MCU: variants seen among roughly 807,000 people sequenced by gnomAD.
MCU encodes calcium uniporter protein, mitochondrial.
In MCU, 12 loss-of-function variants were observed where a neutral mutation model predicts 45.2. The ratio of observed to expected loss-of-function variants is 0.27; its 90% CI spans 0.17 to 0.43. MCU has a LOEUF of 0.43. Ranked by LOEUF, MCU falls within the 20% of genes least tolerant of loss-of-function variation. The pLI, the probability that MCU is intolerant of heterozygous loss-of-function variation, is 1.00. For synonymous variants in MCU, 160 were observed against 165.1 expected (o/e 0.97, Z 0.24); for missense variants, 324 against 436.7 (o/e 0.74, Z 2.30).
Position 72,820,477 on chromosome 10 carries a change from G to T in MCU, c.151-13882G>T, listed in dbSNP as rs113736510. Among the ~76,000 whole-genome samples, 110 of 151,258 alleles carry T rather than the reference G, an allele frequency of 7.3e-4. 1 individual carries two copies. The Middle Eastern group carries it at 0.014, about 19-fold the overall frequency. ...ACTTTGCTTTGAAAGAGAAACACAG[G>T]TGCCCTTCTGGACTTCTTCATCAGT... is the stretch of plus-strand genomic sequence containing the variant. On this transcript the variant is annotated intron_variant, in intron 1 of 7. Transcript: ENST00000373053.
At chr10:72,708,696 A>G (rs1842853476) in intron 1 of MCU, among the ~76,000 whole-genome samples, 2 of 152,304 alleles carry the variant, frequency 1.3e-5, no homozygotes, top group African/African-American at 4.8e-5. Context: ...CCCAGATACT[A>G]CAGTGATGGG....
At chr10:72,746,450 C>T (rs1364775862) in intron 1 of MCU, among the ~76,000 whole-genome samples, 1 of 152,194 alleles carries the variant, frequency 6.6e-6, no homozygotes, top group Non-Finnish European at 1.5e-5. Context: ...AATACTACCT[C>T]ACTTTTCAGT....
chr10:72,757,135 T>G (rs1354659515), intron 1 of MCU: 2 of 152,100 alleles, frequency 1.3e-5, no homozygotes, highest in Non-Finnish European at 2.9e-5. Flanking sequence ...AGTCAGGGTC[T>G]CACAAGGAAA....
chr10:72,764,715 T>A (rs1208470930), intron 1 of MCU, among the ~76,000 whole-genome samples: 1 of 152,140 alleles, frequency 6.6e-6, no homozygotes, highest in African/African-American at 2.4e-5. Flanking sequence ...AATTGAGATA[T>A]GGGCTGCAGT....
intron 1 of MCU, chr10:72,692,808 G>T (rs1842640252): frequency 7.1e-7 from 1 of 1,411,448 alleles, no homozygotes. Context: ...CGGCGGGGCC[G>T]CCCCTCGTCC....
intron 1 of MCU, among the ~76,000 whole-genome samples, chr10:72,826,644 A>G (rs1459962103): frequency 6.6e-6 from 1 of 152,210 alleles, no homozygotes; most frequent in East Asian, 1.9e-4. Flanking sequence ...TTTTACTCTC[A>G]ATAAAATTCT....
chr10:72,780,580 A>G (rs1843977182), intron 1 of MCU, among the ~76,000 whole-genome samples: 1 of 128,696 alleles, frequency 7.8e-6, no homozygotes, highest in Non-Finnish European at 1.7e-5. Flanking sequence ...AGGAAGAGAG[A>G]TAACTGTTGT....
intron 1 of MCU, among the ~76,000 whole-genome samples, chr10:72,711,579 T>A (rs1327631480): frequency 6.6e-6 from 1 of 150,406 alleles, no homozygotes; most frequent in Non-Finnish European, 1.5e-5. Flanking sequence ...GCACAGTGGC[T>A]CATACTTATA....
At chr10:72,738,259 A>T (rs1196592699) in intron 1 of MCU, among the ~76,000 whole-genome samples, 1 of 152,098 alleles carries the variant, frequency 6.6e-6, no homozygotes, top group Non-Finnish European at 1.5e-5. Context: ...AATTGCTCCC[A>T]CTCTTTCTTC....
intron 4 of MCU, among the ~76,000 whole-genome samples, chr10:72,866,065 C>T (rs1845451276): frequency 6.6e-6 from 1 of 152,076 alleles, no homozygotes; most frequent in South Asian, 2.1e-4. Flanking sequence ...GTGTGAGCCA[C>T]CACGCCCGGC....
intron 1 of MCU, among the ~76,000 whole-genome samples, chr10:72,725,909 G>A (rs755397084): frequency 1.4e-4 from 21 of 151,974 alleles, no homozygotes; most frequent in Non-Finnish European, 1.9e-4. Context: ...ATTAATCTAT[G>A]TGTTTATACA....
intron 1 of MCU, among the ~76,000 whole-genome samples, chr10:72,759,687 G>C (rs1435102892): frequency 6.6e-6 from 1 of 152,058 alleles, no homozygotes; most frequent in Non-Finnish European, 1.5e-5. Flanking sequence ...CATATTATAG[G>C]GTTGAAGCCT....
At chr10:72,715,149 C>T (rs537958885) in intron 1 of MCU, 12 of 984,886 alleles carry the variant, frequency 1.2e-5, no homozygotes, top group East Asian at 1.1e-4. Context: ...GGCAAGATAC[C>T]GTTTCTACCT....
chr10:72,734,706 C>T (rs1052434640), intron 1 of MCU, among the ~76,000 whole-genome samples: 2 of 152,008 alleles, frequency 1.3e-5, no homozygotes, highest in African/African-American at 4.8e-5. Context: ...CTTGACCTCC[C>T]AGGCTCAAGC....
At chr10:72,753,367 G>A (rs767101809) in intron 1 of MCU, among the ~76,000 whole-genome samples, 18 of 151,954 alleles carry the variant, frequency 1.2e-4, no homozygotes, top group Non-Finnish European at 2.1e-4. Context: ...ATATTTACTC[G>A]TTGTTACATT....
intron 1 of MCU, among the ~76,000 whole-genome samples, chr10:72,829,431 T>C (rs566944253): frequency 6.6e-6 from 1 of 152,182 alleles, no homozygotes; most frequent in South Asian, 2.1e-4. Context: ...AGATTTAACT[T>C]AATTAACTTT....
chr10:72,803,257 A>G (rs2132785158), intron 1 of MCU, among the ~76,000 whole-genome samples: 1 of 151,930 alleles, frequency 6.6e-6, no homozygotes, highest in Non-Finnish European at 1.5e-5. Context: ...AAAATCAGCA[A>G]CAATTCTCCT....
chr10:72,860,405 C>G lies in MCU; in HGVS notation c.392-18C>G. On this transcript the variant is annotated intron_variant, in intron 3 of 7. Transcript: ENST00000373053. ...ATAATTATGGACCTATGACAAGTTT[C>G]ATTTGAAATTTTCACAGATGGTGTT... 2 of 1,600,394 alleles carry G rather than the reference C, an allele frequency of 1.2e-6. No individual in the cohort carries two copies. Among genetic ancestry groups the G allele is most frequent in the South Asian group, 2.2e-5 (2 of 90,704 alleles).
chr10:72,829,629 T>G (rs552424845), intron 1 of MCU, among the ~76,000 whole-genome samples: 3 of 150,826 alleles, frequency 2.0e-5, no homozygotes, highest in African/African-American at 7.3e-5. Flanking sequence ...AAAAAAAACC[T>G]AAACAGTAAA....
Sources: gnomAD v4.1 joint callset for allele counts (sites outside exome capture counted in the v4.1 genomes callset) on GRCh38, gnomAD v4.1.1 for gene constraint, MANE v1.5 for transcripts, NCBI Gene and HGNC (gene_info 2026-07-23, HGNC 2026-07-21) for gene names.